Variants in NAA16 observed in about 807,000 individuals in gnomAD.
NAA16 encodes N-alpha-acetyltransferase 16, NatA auxiliary subunit, also known as NARG1-like protein.
In NAA16, 97 loss-of-function variants were observed where a neutral mutation model predicts 110.3. The observed-to-expected ratio is 0.88, with a 90% confidence interval of 0.75 to 1.04. NAA16 has a LOEUF of 1.04. Ranked by LOEUF, NAA16 falls within the 50% of genes least tolerant of loss-of-function variation. NAA16 has a pLI of 0.00. For missense variants in NAA16, 1,017 were observed against 1,005.1 expected, an observed-to-expected ratio of 1.01 and a Z score of -0.16; for synonymous variants, 372 against 330.6, an observed-to-expected ratio of 1.13 and a Z score of -1.36.
chr13:41,325,945 G>T, intron 6 of NAA16, 94 bp downstream of exon 6: 3 of 1,015,126 alleles, frequency 3.0e-6, no homozygotes, highest in South Asian at 4.0e-5. Context: ...CAGTTGTTAT[G>T]TATCTGGCAA....
chr13:41,315,390 A>G (rs1593400675), intron 1 of NAA16, among the ~76,000 whole-genome samples: 1 of 152,310 alleles, frequency 6.6e-6, no homozygotes, highest in East Asian at 1.9e-4. Context: ...AGTGGCTGCC[A>G]GGGAGAGATG....
intron 7 of NAA16, among the ~76,000 whole-genome samples, chr13:41,330,457 G>C (rs1292918340): frequency 6.6e-6 from 1 of 151,826 alleles, no homozygotes; most frequent in African/African-American, 2.4e-5. Context: ...CACAGAATTT[G>C]GATTAAAATC....
chr13:41,321,462 C>A (rs1276004898), intron 4 of NAA16, among the ~76,000 whole-genome samples: 1 of 152,166 alleles, frequency 6.6e-6, no homozygotes, highest in Middle Eastern at 3.2e-3. Flanking sequence ...CAGGCATGAG[C>A]CACTACGCCT....
Position 41,311,545 on chromosome 13 carries a change from T to C in NAA16, c.17T>C (p.Leu6Pro). The change falls in exon 1 of 20, where the codon CTG (leucine) becomes CCG (proline). Residue 6 changes from leucine (L) to proline (P), a missense_variant. By Grantham distance (98) the Leu-to-Pro change is moderately conservative (BLOSUM62 -3). Transcript: ENST00000379406. ...CCGGCCACGATGCCGAACGTGCTGC[T>C]GCCGCCCAAGGAGAGCAACCTCTTC... MPNVL[L>P]PPKESNLFKR... 5 of 1,607,510 alleles carry C rather than the reference T, an allele frequency of 3.1e-6. No individual in the cohort carries two copies. The highest frequency in any genetic ancestry group is 4.2e-6 in the Non-Finnish European group (5 of 1,177,468).
intron 12 of NAA16, 100 bp downstream of exon 12, chr13:41,359,062 C>G: frequency 1.0e-6 from 1 of 999,700 alleles, no homozygotes; most frequent in Non-Finnish European, 1.4e-6. Flanking sequence ...AGTGGAAGTT[C>G]ATAAAAATTC....
chr13:41,320,612 T>C lies in NAA16; in HGVS notation c.245-55T>C, dbSNP rs551468894. ...CTTAATGTAACTTTTATATTAGATA[T>C]GTATCATAGAATATTCTAGTGTCTG... On this transcript the variant is annotated intron_variant, in intron 3 of 19. Coordinates refer to ENST00000379406, the MANE Select transcript of NAA16 (RefSeq NM_024561.5). 111 of 1,415,834 alleles carry C rather than the reference T, an allele frequency of 7.8e-5. No individual in the cohort carries two copies. The Middle Eastern group carries it at 2.3e-3, about 30-fold the overall frequency. 87.7% of individuals were successfully genotyped at this position (1,415,834 alleles called of 1,614,324 possible).
At chr13:41,372,456 A>C in intron 16 of NAA16, 145 bp downstream of exon 16, 2 of 1,347,038 alleles carry the variant, frequency 1.5e-6, no homozygotes, top group Non-Finnish European at 1.9e-6. Flanking sequence ...CTCGAAACTT[A>C]GGTGGGTAAT....
rs1180987411 is a variant in NAA16 at position 41,311,460 on chromosome 13, ACCCCCGC to A, written c.-68_-62del. ...TCAGCAGCGGTTCGTCCCGGTGCCCACCCCCGCGAAGCGGAGCGCCCGGGCACCTAGC... is the reference window on the plus strand; with the variant it reads ...TCAGCAGCGGTTCGTCCCGGTGCCCAGAAGCGGAGCGCCCGGGCACCTAGC... On this transcript the variant is annotated 5_prime_UTR_variant, in exon 1 of 20. Transcript: ENST00000379406. 1.4e-6 allele frequency: 2 copies of A among 1,474,190 alleles called. No homozygotes were observed. Among genetic ancestry groups the A allele is most frequent in the African/African-American group, 1.4e-5 (1 of 71,474 alleles). 91.3% of individuals were successfully genotyped at this position (1,474,190 alleles called of 1,614,324 possible). A position where few individuals can be genotyped will look rare whatever the true frequency, so the allele number is the denominator to read the frequency against.
intron 13 of NAA16, chr13:41,362,780 CCT>C (rs1566295342): frequency 3.9e-6 from 5 of 1,289,802 alleles, no homozygotes; most frequent in Non-Finnish European, 5.1e-6. Context: ...CAAATGCACC[CCT>C]GAGGCAGTCC....
At chr13:41,333,294 AACTC>A (rs2042288876) in intron 8 of NAA16, among the ~76,000 whole-genome samples, 1 of 152,108 alleles carries the variant, frequency 6.6e-6, no homozygotes, top group Non-Finnish European at 1.5e-5. Flanking sequence ...TATACCGTAA[AACTC>A]ACTTTTAAAA....
intron 15 of NAA16, among the ~76,000 whole-genome samples, chr13:41,370,387 C>A (rs1373811333): frequency 6.6e-6 from 1 of 152,142 alleles, no homozygotes; most frequent in Non-Finnish European, 1.5e-5. Context: ...CAAAGGACAT[C>A]TATTAGTAAG....
chr13:41,373,270 T>C, intron 17 of NAA16: 4 of 776,074 alleles, frequency 5.2e-6, no homozygotes, highest in Non-Finnish European at 6.3e-6. Context: ...TTTTTTGTTT[T>C]TTTTTTTGAG....
intron 5 of NAA16, among the ~76,000 whole-genome samples, chr13:41,324,227 T>G (rs2042024758): frequency 6.6e-6 from 1 of 152,174 alleles, no homozygotes; most frequent in Non-Finnish European, 1.5e-5. Context: ...TGGTTCTTTG[T>G]TTTTATCCAA....
chr13:41,315,991 A>G (rs368790857), intron 1 of NAA16, among the ~76,000 whole-genome samples: 2 of 152,142 alleles, frequency 1.3e-5, no homozygotes, highest in East Asian at 3.8e-4. Flanking sequence ...GCTGGTCTTG[A>G]ACTTCTGGGC....
At chr13:41,326,299 A>G (rs1466487325) in intron 6 of NAA16, among the ~76,000 whole-genome samples, 1 of 152,164 alleles carries the variant, frequency 6.6e-6, no homozygotes, top group Non-Finnish European at 1.5e-5. Context: ...TATAGTTTTA[A>G]CAGCATTCAT....
At chr13:41,315,609 GAT>G (rs978955193) in intron 1 of NAA16, among the ~76,000 whole-genome samples, 1 of 152,138 alleles carries the variant, frequency 6.6e-6, no homozygotes, top group African/African-American at 2.4e-5. Context: ...TTAAGTAAGA[GAT>G]TACAAATTTT....
rs562165950 is a variant in NAA16, at chr13:41,319,717, A to G, written c.244+807A>G. On this transcript the variant is annotated intron_variant, in intron 3 of 19. Coordinates refer to ENST00000379406, the MANE Select transcript of NAA16 (RefSeq NM_024561.5). Reference sequence around the variant, plus strand: ...CTTTCAGTAGAGATGGAGTTTCGCCATGTTGGTCAGGCTGATCTCGAACTC... The same window carrying G: ...CTTTCAGTAGAGATGGAGTTTCGCCGTGTTGGTCAGGCTGATCTCGAACTC... Among the ~76,000 whole-genome samples the G allele has an allele frequency of 1.2e-4, 18 of 152,094 alleles. No individual in the cohort carries two copies. In the South Asian group the frequency reaches 3.1e-3, roughly 26 times the overall value.
chr13:41,366,083 A>T (rs1009132925), intron 13 of NAA16, among the ~76,000 whole-genome samples: 7 of 151,310 alleles, frequency 4.6e-5, no homozygotes, highest in Admixed American at 1.3e-4. Flanking sequence ...CCTTTGATTT[A>T]AAAAAAAAGT....
At chr13:41,317,009 C>T (rs1197778756) in intron 2 of NAA16, 79 bp downstream of exon 2, 6 of 1,024,526 alleles carry the variant, frequency 5.9e-6, no homozygotes, top group Middle Eastern at 2.0e-4. Context: ...AGAGTATTTC[C>T]CCGATTCCAG....
Sources: gnomAD v4.1 joint callset for allele counts (sites outside exome capture counted in the v4.1 genomes callset) on GRCh38, gnomAD v4.1.1 for gene constraint, MANE v1.5 for transcripts, NCBI Gene and HGNC (gene_info 2026-07-23, HGNC 2026-07-21) for gene names.